Variants in RREB1 observed in about 807,000 individuals in gnomAD.
RREB1 encodes ras-responsive element-binding protein 1.
RREB1 carries 27 observed loss-of-function variants against 117.8 expected under a neutral mutation model. The ratio of observed to expected loss-of-function variants is 0.23; its 90% confidence interval spans 0.17 to 0.32. The LOEUF is 0.32. Ranked by LOEUF, RREB1 falls within the 10% of genes least tolerant of loss-of-function variation. RREB1 has a pLI of 1.00. For synonymous variants in RREB1, 1,298 were observed against 1,026.7 expected (o/e 1.26, Z -5.05); for missense variants, 2,577 against 2,378.2 (o/e 1.08, Z -1.74).
chr6:7,209,422 T>C (rs1366047158), intron 6 of RREB1, among the ~76,000 whole-genome samples: 1 of 152,212 alleles, frequency 6.6e-6, no homozygotes, highest in Non-Finnish European at 1.5e-5. Flanking sequence ...AATGCTGATA[T>C]TGAGGGATGG....
intron 8 of RREB1, among the ~76,000 whole-genome samples, chr6:7,220,781 G>A (rs1398927145): frequency 1.3e-5 from 2 of 152,166 alleles, no homozygotes; most frequent in Admixed American, 6.5e-5. Context: ...TTTTGCAATC[G>A]TGCTCTTTAT....
At chr6:7,182,567 G>T (rs1309441268) in intron 4 of RREB1, among the ~76,000 whole-genome samples, 2 of 151,894 alleles carry the variant, frequency 1.3e-5, no homozygotes, top group African/African-American at 4.8e-5. Context: ...GATTTTCATT[G>T]GGCATCAGAT....
intron 12 of RREB1, 85 bp from the exon 13 acceptor site, chr6:7,248,426 G>A: frequency 8.4e-7 from 1 of 1,196,940 alleles, no homozygotes; most frequent in Non-Finnish European, 1.2e-6. Context: ...CATAGCCTGG[G>A]AGCCTCATTC....
chr6:7,231,266 C>A lies in RREB1; in HGVS notation c.3167C>A (p.Pro1056His), dbSNP rs769740085. The A allele has an allele frequency of 3.1e-6, 5 of 1,612,010 alleles. No individual in the cohort carries two copies. The highest frequency in any genetic ancestry group is 4.2e-6 in the Non-Finnish European group (5 of 1,179,200). The change falls in exon 10 of 13, where the codon CCC (proline) becomes CAC (histidine). Residue 1056 changes from proline (P) to histidine (H), a missense_variant. By Grantham distance (77) the Pro-to-His change is moderately conservative. Coordinates refer to ENST00000379938, the MANE Select transcript of RREB1 (RefSeq NM_001003699.4). ...RPKPPLLLPK[P>H]PVTEELPPLA... ...AAGCCCCCGCTGCTTTTGCCAAAGC[C>A]CCCCGTGACAGAAGAGCTGCCCCCG...
chr6:7,248,519 C>T lies in RREB1; in HGVS notation c.4780C>T (p.Pro1594Ser). 6.2e-7 allele frequency: 1 copy of T among 1,613,964 alleles called. No individual in the cohort carries two copies. Among genetic ancestry groups the T allele is most frequent in the Non-Finnish European group, 8.5e-7 (1 of 1,179,822 alleles). Reference sequence around the variant, plus strand: ...TTCTTCCATTGTTCCAGGGGAAAGGCCATACAAATGTCAGACCTGCGAGCG... The same window carrying T: ...TTCTTCCATTGTTCCAGGGGAAAGGTCATACAAATGTCAGACCTGCGAGCG... ...RHMRSHTGER[P>S]YKCQTCERTF... The change falls in exon 13 of 13, where the codon CCA becomes TCA. Residue 1594 changes from proline (P) to serine (S), a missense_variant. Physicochemically the swap from Pro to Ser is moderately conservative, Grantham distance 74. Transcript: ENST00000379938.
rs2113605784 is a variant in RREB1, at chr6:7,206,033, T to C, written c.426-4771T>C. ...TGTTATGAATAGGATAAAACTTCTC[T>C]TGACTCCAAAAGTTCTGATAAAATT... On this transcript the variant is annotated intron_variant, in intron 6 of 12. Transcript: ENST00000379938. Among the ~76,000 whole-genome samples the C allele has an allele frequency of 1.3e-5, 2 of 152,338 alleles. 1 individual carries two copies. The highest frequency in any genetic ancestry group is 4.1e-4 in the South Asian group (2 of 4,826).
At chr6:7,132,720 C>G (rs1356123191) in intron 1 of RREB1, among the ~76,000 whole-genome samples, 1 of 151,774 alleles carries the variant, frequency 6.6e-6, no homozygotes, top group Non-Finnish European at 1.5e-5. Flanking sequence ...TTTTTTTTTA[C>G]AGGTATAAAA....
chr6:7,111,661 T>G (rs1431793074), intron 1 of RREB1, among the ~76,000 whole-genome samples: 1 of 152,202 alleles, frequency 6.6e-6, no homozygotes, highest in African/African-American at 2.4e-5. Context: ...ATGTTAAAGT[T>G]TGTTTTGGTT....
chr6:7,137,973 C>T (rs1270923039), intron 1 of RREB1, among the ~76,000 whole-genome samples: 1 of 152,156 alleles, frequency 6.6e-6, no homozygotes, highest in African/African-American at 2.4e-5. Context: ...AATAGCCCTC[C>T]TCACTCACTT....
rs541827489 is a variant in RREB1 at position 7,153,826 on chromosome 6, G to A, written c.-284-22829G>A. Among the ~76,000 whole-genome samples, 6 of 152,328 alleles carry A rather than the reference G, an allele frequency of 3.9e-5. No homozygotes were observed. In the South Asian group the frequency reaches 1.2e-3, roughly 32 times the overall value. The stretch of plus-strand genomic sequence containing the variant: ...CTTGTTGGTGTAGAATCCTCTGCAG[G>A]TCTGGCAGCTCTCTAGTATAGCTCC... On this transcript the variant is annotated intron_variant, in intron 1 of 12. Transcript: ENST00000379938.
chr6:7,231,562 C>G lies in RREB1; in HGVS notation c.3463C>G (p.Arg1155Gly), dbSNP rs781624746. 1.9e-6 allele frequency: 3 copies of G among 1,610,296 alleles called. No individual in the cohort carries two copies. The highest frequency in any genetic ancestry group is 2.7e-5 in the African/African-American group (2 of 74,758). ...AGCGGGCACGTCGAAGAAGAGGGGC[C>G]GGAAAAGGGGGATGAGGAGCCGACC... ...GPAGTSKKRG[R>G]KRGMRSRPRA... The change falls in exon 10 of 13, where the codon CGG becomes GGG. Residue 1155 changes from arginine to glycine, a missense_variant. By Grantham distance (125) the Arg-to-Gly change is moderately radical (BLOSUM62 -2). Transcript: ENST00000379938.
chr6:7,153,390 G>A (rs1269959802), intron 1 of RREB1, among the ~76,000 whole-genome samples: 2 of 145,174 alleles, frequency 1.4e-5, no homozygotes, highest in African/African-American at 5.4e-5. Context: ...CTCAATTAAA[G>A]TCAAGGGATT....
chr6:7,137,352 G>C (rs2113372649), intron 1 of RREB1, among the ~76,000 whole-genome samples: 1 of 152,348 alleles, frequency 6.6e-6, no homozygotes, highest in East Asian at 1.9e-4. Flanking sequence ...AGAGGGTGGA[G>C]GGCATGACTG....
intron 1 of RREB1, among the ~76,000 whole-genome samples, chr6:7,125,322 C>G (rs1761859849): frequency 6.6e-6 from 1 of 152,216 alleles, no homozygotes. Context: ...AATTGTCACC[C>G]TGTTCCCCTT....
At position 7,173,447 on chromosome 6, in the gene RREB1, C is replaced by T. The variant is rs180692653; in HGVS notation, c.-284-3208C>T. ...GGCGGAGATTGCAGTGAGCCAAGAT[C>T]GCGTCACTGCACTCCAGCCTGGGCG... On this transcript the variant is annotated intron_variant, in intron 1 of 12. Coordinates refer to ENST00000379938, the MANE Select transcript of RREB1 (RefSeq NM_001003699.4). Among the ~76,000 whole-genome samples the T allele has an allele frequency of 5.7e-3, 860 of 151,340 alleles. 7 individuals are homozygous for T. Among genetic ancestry groups the T allele is most frequent in the African/African-American group, 0.019 (784 of 41,180 alleles).
At chr6:7,134,016 T>C (rs1362702889) in intron 1 of RREB1, among the ~76,000 whole-genome samples, 1 of 152,228 alleles carries the variant, frequency 6.6e-6, no homozygotes, top group African/African-American at 2.4e-5. Flanking sequence ...AAATCACATT[T>C]TGATGTGGCA....
chr6:7,177,889 A>G (rs1764587472), intron 2 of RREB1, among the ~76,000 whole-genome samples: 1 of 151,938 alleles, frequency 6.6e-6, no homozygotes, highest in Non-Finnish European at 1.5e-5. Flanking sequence ...CGCCCAGCTA[A>G]TTTTTGTAGT....
At chr6:7,210,180 A>G (rs759644562) in intron 6 of RREB1, among the ~76,000 whole-genome samples, 5 of 152,248 alleles carry the variant, frequency 3.3e-5, no homozygotes, top group Non-Finnish European at 7.3e-5. Context: ...TGTAGATATT[A>G]GAGTTACCAC....
intron 1 of RREB1, among the ~76,000 whole-genome samples, chr6:7,152,748 C>T (rs150660035): frequency 6.6e-6 from 1 of 152,332 alleles, no homozygotes; most frequent in Non-Finnish European, 1.5e-5. Flanking sequence ...AAGCAGAAGT[C>T]ACTGAGCTCC....
Sources: allele counts gnomAD v4.1 joint callset (sites outside exome capture counted in the v4.1 genomes callset), GRCh38; gene constraint gnomAD v4.1.1; transcripts MANE v1.5; gene names NCBI Gene and HGNC (gene_info 2026-07-23, HGNC 2026-07-21).